The following STK11IP variants were observed in gnomAD, a reference collection of about 807,000 sequenced individuals.
STK11IP encodes the protein serine/threonine kinase 11 interacting protein, also known as serine/threonine-protein kinase 11-interacting protein.
A neutral mutation model predicts 131.7 loss-of-function variants in STK11IP; 103 were observed. That is an observed-to-expected ratio of 0.78 (90% CI 0.67 to 0.92). The LOEUF (loss-of-function observed/expected upper bound fraction) is 0.92. Ranked by LOEUF, STK11IP falls within the 40% of genes least tolerant of loss-of-function variation. STK11IP has a pLI of 0.00. For missense variants in STK11IP, 1,315 were observed against 1,385.7 expected (o/e 0.95, Z 0.81); for synonymous variants, 557 against 575.6 (o/e 0.97, Z 0.46).
At chr2:219,605,774 G>C (rs780974814) in intron 8 of STK11IP, 40 bp downstream of exon 8, 7 of 1,584,734 alleles carry the variant, frequency 4.4e-6, no homozygotes, top group Middle Eastern at 1.7e-4. Context: ...TGGAGGGGAA[G>C]GGGGAGAGTG....
At chr2:219,599,277 C>T (rs1026872180) in intron 2 of STK11IP, among the ~76,000 whole-genome samples, 9 of 151,972 alleles carry the variant, frequency 5.9e-5, no homozygotes, top group South Asian at 2.1e-4. Context: ...TTAGTAGAGA[C>T]GGGGTTTCAC....
intron 15 of STK11IP, 119 bp downstream of exon 15, chr2:219,608,907 G>A (rs970990507): frequency 8.0e-7 from 1 of 1,252,170 alleles, no homozygotes; most frequent in African/African-American, 1.5e-5. Flanking sequence ...GCCGAGGAGG[G>A]GAGCCTCAGA....
At chr2:219,600,783 A>G (rs1429621481) in intron 2 of STK11IP, among the ~76,000 whole-genome samples, 1 of 152,252 alleles carries the variant, frequency 6.6e-6, no homozygotes, top group Non-Finnish European at 1.5e-5. Flanking sequence ...AAAACTTCCA[A>G]TTAACTTTTG....
At chr2:219,614,027 A>T in intron 21 of STK11IP, 97 bp downstream of exon 21, 4 of 1,493,138 alleles carry the variant, frequency 2.7e-6, no homozygotes, top group Non-Finnish European at 3.6e-6. Context: ...GGAGACAGAG[A>T]GGTAACAGGA....
chr2:219,598,053 C>T (rs1416106596), intron 1 of STK11IP, 41 bp from the exon 2 acceptor site: 1 of 1,563,946 alleles, frequency 6.4e-7, no homozygotes, highest in Admixed American at 1.9e-5. Context: ...TTGGCACTAC[C>T]GCCCACCTGA....
At chr2:219,612,079 C>T (rs1269039538) in intron 19 of STK11IP, 21 bp downstream of exon 19, 5 of 1,573,980 alleles carry the variant, frequency 3.2e-6, no homozygotes, top group Non-Finnish European at 3.5e-6. Flanking sequence ...CCTGACACTG[C>T]CCATGCCCCC....
At chr2:219,606,685 T>G in intron 11 of STK11IP, 27 bp from the exon 12 acceptor site, 2 of 1,598,336 alleles carry the variant, frequency 1.3e-6, no homozygotes, top group Non-Finnish European at 1.7e-6. Context: ...CTCCAACCTC[T>G]CTCTCCTTCC....
Position 219,608,652 on chromosome 2 carries a change from T to G in STK11IP, c.1673T>G (p.Phe558Cys), listed in dbSNP as rs753147630. The G allele has an allele frequency of 2.5e-5, 40 of 1,613,566 alleles. No homozygotes were observed. The highest frequency in any genetic ancestry group is 4.4e-5 in the South Asian group (4 of 91,042). Residue 558 changes from phenylalanine (F) to cysteine (C), a missense_variant, in exon 15 of 25, where the codon TTT (phenylalanine) becomes TGT (cysteine). Phe to Cys is a radical substitution (Grantham distance 205, BLOSUM62 -2). Transcript: ENST00000456909. Reference protein sequence around the residue: ...GPEGVRGRECFLRVTSAHLFE... With the variant: ...GPEGVRGRECCLRVTSAHLFE... ...GAGGGCGTACGGGGCAGGGAATGCT[T>G]TCTCAGGGTCACTTCTGCCCACCTG...
intron 10 of STK11IP, 68 bp downstream of exon 10, chr2:219,606,358 C>T: frequency 6.5e-7 from 1 of 1,544,622 alleles, no homozygotes; most frequent in South Asian, 1.2e-5. Context: ...CTTGCACCCT[C>T]TTGCCATCCC....
intron 9 of STK11IP, 40 bp from the exon 10 acceptor site, chr2:219,606,155 G>C (rs1310197438): frequency 6.5e-7 from 1 of 1,547,846 alleles, no homozygotes; most frequent in African/African-American, 1.4e-5. Context: ...GGAGGGCCAG[G>C]GCCCCAGGCC....
At chr2:219,614,966 C>A in intron 23 of STK11IP, 128 bp from the exon 24 acceptor site, 1 of 1,162,758 alleles carries the variant, frequency 8.6e-7, no homozygotes, top group Non-Finnish European at 1.2e-6. Context: ...GCCCCAGGGG[C>A]ACAGGCTGCT....
chr2:219,614,636 C>G, intron 23 of STK11IP, 90 bp downstream of exon 23: 1 of 1,272,540 alleles, frequency 7.9e-7, no homozygotes, highest in Non-Finnish European at 1.1e-6. Flanking sequence ...GTACAGTGCC[C>G]TTGCAGCAAC....
chr2:219,603,576 AGTGGT>A (rs1698060625), intron 7 of STK11IP, among the ~76,000 whole-genome samples: 2 of 150,954 alleles, frequency 1.3e-5, no homozygotes, highest in South Asian at 4.2e-4. Context: ...GCTAGAGTGC[AGTGGT>A]GTGATCTTGG....
At chr2:219,609,728 GA>G in intron 17 of STK11IP, 188 bp downstream of exon 17, 1 of 578,982 alleles carries the variant, frequency 1.7e-6, no homozygotes, top group Non-Finnish European at 2.9e-6. Context: ...CAGAAAAAAA[GA>G]AGAAACTATA....
At position 219,609,516 on chromosome 2, in the gene STK11IP, T is replaced by C; in HGVS notation, c.2080T>C (p.Trp694Arg). The C allele has an allele frequency of 6.3e-7, 1 of 1,577,282 alleles. No homozygotes were observed. The highest frequency in any genetic ancestry group is 8.6e-7 in the Non-Finnish European group (1 of 1,160,800). The change falls in exon 17 of 25, where the codon TGG becomes CGG. Residue 694 changes from tryptophan (W) to arginine (R), a missense_variant. Physicochemically the swap from Trp to Arg is moderately radical, Grantham distance 101 (BLOSUM62 -3). Transcript: ENST00000456909. The part of the protein sequence containing the change: ...PRMGLDSEEG[W>R]RPLFQKTESP... ...GATGGGATTAGACAGTGAGGAAGGC[T>C]GGAGGCCTCTGTTCCAAAAGACAGG... is the stretch of plus-strand genomic sequence containing the variant.
At chr2:219,607,184 A>T (rs1206919330) in intron 13 of STK11IP, 47 bp downstream of exon 13, 1 of 1,577,842 alleles carries the variant, frequency 6.3e-7, no homozygotes, top group Non-Finnish European at 8.7e-7. Flanking sequence ...CAGCGAGCTC[A>T]CTCTAATTTT....
intron 8 of STK11IP, 99 bp downstream of exon 8, chr2:219,605,833 CT>C: frequency 6.6e-7 from 1 of 1,504,544 alleles, no homozygotes; most frequent in Non-Finnish European, 9.0e-7. Context: ...CTTGAGAGGG[CT>C]TATGGGGAGT....
intron 7 of STK11IP, among the ~76,000 whole-genome samples, chr2:219,603,137 G>A (rs1444195970): frequency 4.6e-5 from 7 of 150,614 alleles, no homozygotes; most frequent in Non-Finnish European, 1.0e-4. Flanking sequence ...TGCCTCCCAG[G>A]TTCAAGCAAT....
At chr2:219,612,108 C>A in intron 19 of STK11IP, 50 bp downstream of exon 19, 1 of 1,519,452 alleles carries the variant, frequency 6.6e-7, no homozygotes. Flanking sequence ...AGGGTGCCCA[C>A]TCGTTTCCAT....
Sources: allele counts gnomAD v4.1 joint callset (sites outside exome capture counted in the v4.1 genomes callset), GRCh38; gene constraint gnomAD v4.1.1; transcripts MANE v1.5; gene names NCBI Gene and HGNC (gene_info 2026-07-23, HGNC 2026-07-21).